The following DAB2IP variants were observed in gnomAD, a reference collection of about 807,000 sequenced individuals.
DAB2IP encodes the protein disabled homolog 2-interacting protein.
Under a neutral mutation model 107.2 loss-of-function variants are expected in DAB2IP, and 28 were observed. That is an observed-to-expected ratio of 0.26 (90% CI 0.19 to 0.36). DAB2IP has a LOEUF of 0.36. DAB2IP is among the 10% of genes least tolerant of loss of function. The pLI is 1.00. For synonymous variants in DAB2IP, 755 were observed against 706.4 expected, an observed-to-expected ratio of 1.07 and a Z score of -1.09; for missense variants, 1,400 against 1,644.7, an observed-to-expected ratio of 0.85 and a Z score of 2.57.
In DAB2IP at chr9:121,678,608, G is replaced by A. The variant is rs116692063; in HGVS notation, c.125-70G>A. On this transcript the variant is annotated intron_variant, in intron 1 of 15. Coordinates refer to ENST00000408936, the Ensembl canonical transcript of DAB2IP. Reference sequence around the variant, plus strand: ...GTCTGTTGTCCTGACTGGGATGGGAGTGGCAGGAGGCCCTAGCTGTGTGGC... The same window carrying A: ...GTCTGTTGTCCTGACTGGGATGGGAATGGCAGGAGGCCCTAGCTGTGTGGC... 984 of 1,277,958 alleles carry A rather than the reference G, an allele frequency of 7.7e-4. 7 individuals are homozygous for A. In the African/African-American group the frequency reaches 0.013, roughly 17 times the overall value. The allele number at this position is 1,277,958 out of a possible 1,614,324, so 79.2% of individuals were successfully genotyped here.
At chr9:121,577,634 G>A (rs950248354) in intron 1 of DAB2IP, among the ~76,000 whole-genome samples, 1 of 152,178 alleles carries the variant, frequency 6.6e-6, no homozygotes, top group Non-Finnish European at 1.5e-5. Flanking sequence ...CATGGCTGGG[G>A]GTGGCTGTCC....
intron 8 of DAB2IP, among the ~76,000 whole-genome samples, chr9:121,765,385 G>A (rs1834208222): frequency 3.9e-5 from 6 of 152,246 alleles, no homozygotes; most frequent in Admixed American, 3.9e-4. Context: ...CACTGTGAGA[G>A]CCACGGCTAA....
chr9:121,753,783 G>C (rs1259490950), intron 3 of DAB2IP, among the ~76,000 whole-genome samples: 13 of 152,212 alleles, frequency 8.5e-5, no homozygotes, highest in Admixed American at 5.9e-4. Context: ...AGTGGAATGG[G>C]AGTGAGGTAG....
rs564495962 is a variant in DAB2IP at position 121,635,376 on chromosome 9, CAAG to C, written c.41-43301_41-43299del. Reference sequence around the variant, plus strand: ...ATCCTTATTTTACCACCAGGAGCACCAAGTTCTAGAGTAAATCTGTGAAGGGCT... The same window carrying C: ...ATCCTTATTTTACCACCAGGAGCACCTTCTAGAGTAAATCTGTGAAGGGCT... On this transcript the variant is annotated intron_variant, in intron 1 of 16. Coordinates refer to the DAB2IP transcript ENST00000259371. This position sits in a 1 kb window ranked among gnomAD's most constrained non-coding sequence, Gnocchi z 4.3. Among the ~76,000 whole-genome samples, 177 of 152,284 alleles carry C rather than the reference CAAG, an allele frequency of 1.2e-3. No individual in the cohort carries two copies. Among genetic ancestry groups the C allele is most frequent in the Admixed American group, 1.8e-3 (28 of 15,290 alleles).
upstream of DAB2IP, among the ~76,000 whole-genome samples, chr9:121,650,625 C>T (rs1832706525): frequency 6.6e-6 from 1 of 152,212 alleles, no homozygotes; most frequent in African/African-American, 2.4e-5. Context: ...CAGTTTCCCC[C>T]TCTGTACTTC....
Position 121,635,909 on chromosome 9 carries a change from G to A in DAB2IP, c.41-42769G>A, listed in dbSNP as rs369326307. Among the ~76,000 whole-genome samples, 169 of 124,868 alleles carry A rather than the reference G, an allele frequency of 1.4e-3. No individual in the cohort carries two copies. Among genetic ancestry groups the A allele is most frequent in the African/African-American group, 5.6e-3 (165 of 29,622 alleles). 81.9% of individuals were successfully genotyped at this position (124,868 alleles called of 152,430 possible). A position where few individuals can be genotyped will look rare whatever the true frequency, so the allele number is the denominator to read the frequency against. ...TCCCCTGTTTAGATGTCTTTTTTGG[G>A]GGGGGGTCTGGGGGATGGAGTCTTG... is the stretch of plus-strand genomic sequence containing the variant. On this transcript the variant is annotated intron_variant, in intron 1 of 16. Transcript: ENST00000259371. The surrounding 1 kb of genome is among the most constrained non-coding windows in gnomAD (Gnocchi z 4.3).
At chr9:121,587,466 G>C (rs917593974) in intron 1 of DAB2IP, among the ~76,000 whole-genome samples, 1 of 152,074 alleles carries the variant, frequency 6.6e-6, no homozygotes, top group African/African-American at 2.4e-5. Context: ...AAATTAGCCA[G>C]GCGTAGTGGC....
intron 3 of DAB2IP, among the ~76,000 whole-genome samples, chr9:121,751,560 A>C (rs1833121110): frequency 1.3e-5 from 2 of 152,244 alleles, no homozygotes; most frequent in South Asian, 4.1e-4. Flanking sequence ...GGACAGGCTC[A>C]GGAGACTGCT....
At chr9:121,690,970 G>A (rs1589522948) in intron 2 of DAB2IP, among the ~76,000 whole-genome samples, 2 of 152,090 alleles carry the variant, frequency 1.3e-5, no homozygotes, top group Admixed American at 1.3e-4. Flanking sequence ...TGGCTATCCT[G>A]CCCCAGCCAA....
upstream of DAB2IP, among the ~76,000 whole-genome samples, chr9:121,650,511 T>A (rs2119057386): frequency 6.6e-6 from 1 of 152,282 alleles, no homozygotes; most frequent in African/African-American, 2.4e-5. Context: ...TTGCGGTGAC[T>A]CACACCCCCC....
intron 1 of DAB2IP, among the ~76,000 whole-genome samples, chr9:121,628,281 A>C (rs998751220): frequency 2.0e-5 from 3 of 152,104 alleles, no homozygotes; most frequent in Non-Finnish European, 2.9e-5. Flanking sequence ...TCATCCTAGC[A>C]GACTGGATTA....
intron 2 of DAB2IP, among the ~76,000 whole-genome samples, chr9:121,693,021 T>G (rs1318931785): frequency 2.0e-5 from 3 of 152,144 alleles, no homozygotes; most frequent in Non-Finnish European, 4.4e-5. Flanking sequence ...ATATCAGCGC[T>G]GGAAAGGAGC....
At chr9:121,588,609 A>AGAGGGAAGGGAAGGG (rs1830358871) in intron 1 of DAB2IP, among the ~76,000 whole-genome samples, 1 of 1,832 alleles carries the variant, frequency 5.5e-4, no homozygotes, top group Non-Finnish European at 2.0e-3. Context: ...GGAATGGGGA[A>AGAGGGAAGGGAAGGG]GAGGGAAGGG....
chr9:121,700,678 A>AC (rs1829724135), intron 3 of DAB2IP, among the ~76,000 whole-genome samples: 1 of 152,036 alleles, frequency 6.6e-6, no homozygotes, highest in African/African-American at 2.4e-5. Context: ...TGTTTAACTG[A>AC]CCCCTAGCAT....
At chr9:121,780,849 C>A (rs1463742219) in intron 14 of DAB2IP, among the ~76,000 whole-genome samples, 3 of 152,202 alleles carry the variant, frequency 2.0e-5, no homozygotes, top group African/African-American at 7.2e-5. Context: ...TGCCTGCACA[C>A]CTGTCCTTCA....
At chr9:121,739,622 A>T (rs1261851985) in intron 3 of DAB2IP, among the ~76,000 whole-genome samples, 1 of 152,140 alleles carries the variant, frequency 6.6e-6, no homozygotes, top group Non-Finnish European at 1.5e-5. Context: ...TGGATTCCAA[A>T]GGCCAGGGAA....
At position 121,699,312 on chromosome 9, in the gene DAB2IP, C is replaced by G. The variant is rs779061107; in HGVS notation, c.229-13C>G. 5 of 1,431,864 alleles carry G rather than the reference C, an allele frequency of 3.5e-6. No individual in the cohort carries two copies. The highest frequency in any genetic ancestry group is 4.6e-6 in the Non-Finnish European group (5 of 1,077,588). 88.7% of individuals were successfully genotyped at this position (1,431,864 alleles called of 1,614,324 possible). Reference sequence around the variant, plus strand: ...CCCGCCTCCCCTTCCCCCTCTTGTCCCCCCGTGCGCAGGGCTTCCTCAGCC... The same window carrying G: ...CCCGCCTCCCCTTCCCCCTCTTGTCGCCCCGTGCGCAGGGCTTCCTCAGCC... On this transcript the variant is annotated splice_polypyrimidine_tract_variant and intron_variant, in intron 2 of 15. Coordinates refer to ENST00000408936, the Ensembl canonical transcript of DAB2IP. This position sits in a 1 kb window ranked among gnomAD's most constrained non-coding sequence, Gnocchi z 6.2.
intron 6 of DAB2IP, among the ~76,000 whole-genome samples, chr9:121,761,790 G>C (rs1176942190): frequency 6.6e-6 from 1 of 152,220 alleles, no homozygotes; most frequent in Non-Finnish European, 1.5e-5. Flanking sequence ...CAACACTGGG[G>C]ACGTATGCTG....
rs979231798 is a variant in DAB2IP at position 121,635,304 on chromosome 9, C to T, written c.41-43374C>T. On this transcript the variant is annotated intron_variant, in intron 1 of 16. Coordinates refer to the DAB2IP transcript ENST00000259371. The surrounding 1 kb of genome is among the most constrained non-coding windows in gnomAD (Gnocchi z 4.3). ...AAATTTCCAGGCTCTTTCAGACCCC[C>T]CACAAACTCATTTCAGTCTCCAACA... Among the ~76,000 whole-genome samples the T allele has an allele frequency of 1.3e-4, 20 of 152,300 alleles. No individual in the cohort carries two copies. The highest frequency in any genetic ancestry group is 1.1e-3 in the Admixed American group (17 of 15,302).
Sources: gnomAD v4.1 joint callset for allele counts (sites outside exome capture counted in the v4.1 genomes callset) on GRCh38, gnomAD v4.1.1 for gene constraint, Gnocchi (gnomAD v3.1) non-coding constraint, MANE v1.5 for transcripts, NCBI Gene and HGNC (gene_info 2026-07-23, HGNC 2026-07-21) for gene names.